TMEM87B: variants seen among roughly 807,000 people sequenced by gnomAD.
TMEM87B encodes the protein transmembrane protein 87B.
TMEM87B carries 83 observed loss-of-function variants against 80.3 expected under a neutral mutation model. The observed-to-expected ratio is 1.03, with a 90% CI of 0.87 to 1.24. The LOEUF is 1.24. Among genes scored for constraint, TMEM87B ranks in the 50% most tolerant of loss-of-function variants. TMEM87B has a pLI of 0.00. For synonymous variants in TMEM87B, 219 were observed against 230.5 expected (o/e 0.95, Z 0.45); for missense variants, 625 against 674.4 (o/e 0.93, Z 0.81).
At chr2:112,059,760 T>G (rs1360258508) in intron 1 of TMEM87B, among the ~76,000 whole-genome samples, 1 of 152,210 alleles carries the variant, frequency 6.6e-6, no homozygotes. Flanking sequence ...TAACTGAGTC[T>G]GCTAGAGGCC....
intron 4 of TMEM87B, among the ~76,000 whole-genome samples, chr2:112,069,413 A>G (rs1310148894): frequency 6.6e-6 from 1 of 152,116 alleles, no homozygotes; most frequent in African/African-American, 2.4e-5. Context: ...AAGTGAGAAC[A>G]TGCGGTATTT....
At chr2:112,109,759 CTT>C (rs35553826) in intron 17 of TMEM87B, among the ~76,000 whole-genome samples, 2 of 84,946 alleles carry the variant, frequency 2.4e-5, no homozygotes, top group African/African-American at 1.0e-4. Context: ...CCTTCAGCTA[CTT>C]TTTTTTTTTT....
chr2:112,084,734 G>C (rs1679094949), intron 8 of TMEM87B, among the ~76,000 whole-genome samples: 1 of 152,202 alleles, frequency 6.6e-6, no homozygotes, highest in South Asian at 2.1e-4. Context: ...GAATCTTTCT[G>C]CTTCTCTCTG....
intron 2 of TMEM87B, among the ~76,000 whole-genome samples, chr2:112,063,769 C>G (rs10182931): frequency 0.045 from 6,804 of 152,282 alleles, 169 homozygotes; most frequent in African/African-American, 0.07. Context: ...TCCAGTACCT[C>G]TTAAGTCATA....
chr2:112,099,522 A>G (rs1205273291), intron 14 of TMEM87B, among the ~76,000 whole-genome samples: 1 of 90,492 alleles, frequency 1.1e-5, no homozygotes, highest in Non-Finnish European at 2.1e-5. Flanking sequence ...TTATACAATA[A>G]TACATATATA....
At chr2:112,061,961 C>G (rs1217000810) in intron 2 of TMEM87B, among the ~76,000 whole-genome samples, 4 of 152,206 alleles carry the variant, frequency 2.6e-5, no homozygotes, top group Non-Finnish European at 2.9e-5. Context: ...GGTCTGGTGC[C>G]ATGCTCACCA....
At position 112,055,343 on chromosome 2, in the gene TMEM87B, C is replaced by G. The variant is rs188988008; in HGVS notation, c.-249C>G. The G allele has an allele frequency of 8.7e-5, 44 of 505,908 alleles. No homozygotes were observed. Among genetic ancestry groups the G allele is most frequent in the African/African-American group, 8.1e-4 (40 of 49,106 alleles). The allele number at this position is 505,908 out of a possible 1,614,324, so 31.3% of individuals were successfully genotyped here. A position where few individuals can be genotyped will look rare whatever the true frequency, so the allele number is the denominator to read the frequency against. ...CAACTCCACATCCTGGCTCCTATCT[C>G]TGCCTTCCAGGCATCTCCCAGCTGC... is the stretch of plus-strand genomic sequence containing the variant. On this transcript the variant is annotated 5_prime_UTR_variant, in exon 1 of 19. Coordinates refer to ENST00000283206, the MANE Select transcript of TMEM87B (RefSeq NM_032824.3).
intron 3 of TMEM87B, among the ~76,000 whole-genome samples, chr2:112,064,761 T>C (rs1678367563): frequency 6.6e-6 from 1 of 152,224 alleles, no homozygotes; most frequent in African/African-American, 2.4e-5. Context: ...CCTCCTGGGA[T>C]GTGCACTGGG....
chr2:112,098,745 C>T lies in TMEM87B; in HGVS notation c.1376+47C>T, dbSNP rs202146840. On this transcript the variant is annotated intron_variant, in intron 14 of 18. Transcript: ENST00000283206. ...AAGTCGTCAAGGATTTGTTGATCAC[C>T]TTCTATAGTGTCAAGAACACGTTTA... 4.2e-4 allele frequency: 656 copies of T among 1,551,124 alleles called. 5 individuals carry two copies. The African/African-American group carries it at 4.6e-3, about 11-fold the overall frequency.
chr2:112,086,003 A>G lies in TMEM87B; in HGVS notation c.839-2A>G, dbSNP rs1471532420. ...GAATTATTTTATTTTTTTCTTCCTC[A>G]GCCCAAGGCTTATTGATATTTGCGG... On this transcript the variant is annotated splice_acceptor_variant, in intron 8 of 18. Transcript: ENST00000283206. LOFTEE classifies it high-confidence loss of function. 2 of 1,611,082 alleles carry G rather than the reference A, an allele frequency of 1.2e-6. No individual in the cohort carries two copies. The highest frequency in any genetic ancestry group is 2.7e-5 in the African/African-American group (2 of 74,684).
At chr2:112,055,857 G>C in intron 1 of TMEM87B, 101 bp downstream of exon 1, 4 of 1,360,052 alleles carry the variant, frequency 2.9e-6, no homozygotes, top group Non-Finnish European at 3.8e-6. Flanking sequence ...CCTCTGCCGG[G>C]TCAGCACCGG....
chr2:112,058,826 A>T (rs1678161033), intron 1 of TMEM87B, among the ~76,000 whole-genome samples: 1 of 152,318 alleles, frequency 6.6e-6, no homozygotes, highest in East Asian at 1.9e-4. Flanking sequence ...ACTAAATTTG[A>T]TAAATGTTTG....
chr2:112,057,531 C>G (rs1243002627), intron 1 of TMEM87B, among the ~76,000 whole-genome samples: 3 of 152,254 alleles, frequency 2.0e-5, no homozygotes, highest in Admixed American at 2.0e-4. Flanking sequence ...CTGCCTCAGC[C>G]TCCCAAAGTA....
rs1558849682 is a variant in TMEM87B at position 112,103,579 on chromosome 2, G to GGTCT, written c.1451-2423_1451-2422insGTCT. Among the ~76,000 whole-genome samples, 577 of 152,264 alleles carry GGTCT rather than the reference G, an allele frequency of 3.8e-3. 3 individuals are homozygous for GGTCT. The highest frequency in any genetic ancestry group is 0.013 in the African/African-American group (557 of 41,554). On this transcript the variant is annotated intron_variant, in intron 15 of 18. Transcript: ENST00000283206. ...AAAAGACCACATACTGTATAATTTT[G>GGTCT]TTTATATGAAAGGTCCAGAACAGAC... is the stretch of plus-strand genomic sequence containing the variant.
intron 15 of TMEM87B, among the ~76,000 whole-genome samples, chr2:112,102,164 T>C (rs1679647319): frequency 6.6e-6 from 1 of 152,138 alleles, no homozygotes; most frequent in Admixed American, 6.5e-5. Flanking sequence ...GCCAGTACAA[T>C]TGAAATGCCA....
intron 9 of TMEM87B, among the ~76,000 whole-genome samples, chr2:112,086,407 A>C (rs1679146291): frequency 6.6e-6 from 1 of 152,342 alleles, no homozygotes; most frequent in East Asian, 1.9e-4. Flanking sequence ...TGTTATTTAG[A>C]CAGTATCATT....
chr2:112,109,574 T>TTC (rs2104506950), intron 17 of TMEM87B, among the ~76,000 whole-genome samples: 1 of 152,020 alleles, frequency 6.6e-6, no homozygotes, highest in East Asian at 1.9e-4. Context: ...TTCTCATGTG[T>TTC]GTGATGTGAC....
chr2:112,077,183 C>G lies in TMEM87B; in HGVS notation c.502-9C>G, dbSNP rs374997473. Reference sequence around the variant, plus strand: ...AAATAATGAAGAATTTTTTTCACCTCTATTTCAGGATGTTGTAGCCAGAAC... The same window carrying G: ...AAATAATGAAGAATTTTTTTCACCTGTATTTCAGGATGTTGTAGCCAGAAC... On this transcript the variant is annotated splice_polypyrimidine_tract_variant and intron_variant, in intron 5 of 18. Coordinates refer to ENST00000283206, the MANE Select transcript of TMEM87B (RefSeq NM_032824.3). 8.9e-5 allele frequency: 136 copies of G among 1,530,226 alleles called. No individual in the cohort carries two copies. The African/African-American group carries it at 9.0e-4, about 10-fold the overall frequency. 94.8% of individuals were successfully genotyped at this position (1,530,226 alleles called of 1,614,324 possible).
chr2:112,108,564 T>A (rs2104506088), intron 17 of TMEM87B, among the ~76,000 whole-genome samples: 1 of 152,332 alleles, frequency 6.6e-6, no homozygotes, highest in South Asian at 2.1e-4. Context: ...TGACCTTTTT[T>A]TTCTTTCAAC....
Sources: gnomAD v4.1 joint callset for allele counts (sites outside exome capture counted in the v4.1 genomes callset) on GRCh38, gnomAD v4.1.1 for gene constraint, MANE v1.5 for transcripts, NCBI Gene and HGNC (gene_info 2026-07-23, HGNC 2026-07-21) for gene names.